The following TRPA1 variants were observed in gnomAD, a reference collection of about 807,000 sequenced individuals.
TRPA1 encodes transient receptor potential cation channel subfamily A member 1.
Under a neutral mutation model 131.3 loss-of-function variants are expected in TRPA1, and 129 were observed. That is an observed-to-expected ratio of 0.98 (90% confidence interval 0.85 to 1.14). The LOEUF (loss-of-function observed/expected upper bound fraction) is 1.14, where lower values mean the gene tolerates loss of function less well. Among genes scored for constraint, TRPA1 ranks in the 50% most tolerant of loss-of-function variants. The pLI is 0.00. For synonymous variants in TRPA1, 441 were observed against 451.7 expected (o/e 0.98, Z 0.30); for missense variants, 1,304 against 1,354.2 (o/e 0.96, Z 0.58).
intron 3 of TRPA1, among the ~76,000 whole-genome samples, chr8:72,068,458 G>A (rs1241115249): frequency 6.6e-6 from 1 of 150,698 alleles, no homozygotes; most frequent in Non-Finnish European, 1.5e-5. Context: ...GTTTCCCAGT[G>A]GTATCCTTAT....
chr8:72,075,329 G>T lies in TRPA1; in HGVS notation c.81C>A (p.Asp27Glu). The T allele has an allele frequency of 7.4e-6, 12 of 1,613,368 alleles. No homozygotes were observed. The highest frequency in any genetic ancestry group is 1.0e-5 in the Non-Finnish European group (12 of 1,179,796). ...GCGATTCCTTGAAATCCTCCGTGTC[G>T]TCCGGCACATCCTCATAGACAACGC... Reference protein sequence around the residue: ...PQGVVYEDVPDDTEDFKESLK... With the variant: ...PQGVVYEDVPEDTEDFKESLK... The change falls in exon 1 of 27, where the codon GAC becomes GAA. Residue 27 changes from aspartate to glutamate, a missense_variant. Physicochemically the swap from Asp to Glu is conservative, Grantham distance 45. Transcript: ENST00000262209.
rs374272757 is a variant in TRPA1 at position 72,075,284 on chromosome 8, G to T, written c.111+15C>A. On this transcript the variant is annotated intron_variant, in intron 1 of 26. Coordinates refer to ENST00000262209, the MANE Select transcript of TRPA1 (RefSeq NM_007332.3). ...CACGTCGGAACCCCTCCAGACCCGC[G>T]AGCCCCCAGAGTACCTTAAGCGATT... 265 of 1,604,492 alleles carry T rather than the reference G, an allele frequency of 1.7e-4. No individual in the cohort carries two copies. Among genetic ancestry groups the T allele is most frequent in the Non-Finnish European group, 2.2e-4 (256 of 1,172,336 alleles).
At chr8:72,067,658 G>A (rs149033453) in intron 3 of TRPA1, among the ~76,000 whole-genome samples, 1 of 152,318 alleles carries the variant, frequency 6.6e-6, no homozygotes, top group East Asian at 1.9e-4. Flanking sequence ...AGAGCCTTCA[G>A]AGGGAGCACA....
intron 12 of TRPA1, 82 bp downstream of exon 12, chr8:72,055,354 A>G (rs1002420092): frequency 1.7e-6 from 2 of 1,211,056 alleles, no homozygotes; most frequent in African/African-American, 3.1e-5. Flanking sequence ...GTTAGACCTC[A>G]TAATTAAAAA....
intron 15 of TRPA1, among the ~76,000 whole-genome samples, chr8:72,049,528 T>G (rs566879002): frequency 6.6e-6 from 1 of 152,174 alleles, no homozygotes; most frequent in Non-Finnish European, 1.5e-5. Context: ...ATTCTGCCTT[T>G]CTTGGTTATT....
chr8:72,049,969 C>T (rs1805456190), intron 15 of TRPA1, among the ~76,000 whole-genome samples: 2 of 151,560 alleles, frequency 1.3e-5, no homozygotes, highest in Admixed American at 1.3e-4. Flanking sequence ...TTTTACCATA[C>T]CTTAAGTTCT....
In TRPA1 at chr8:72,025,854, C is replaced by T; in HGVS notation, c.3051+106G>A. On this transcript the variant is annotated intron_variant, in intron 25 of 26. Transcript: ENST00000262209. ...AAAGCACAACTCCTCTGCCCACAGG[C>T]AGAGAAGACTCAAAGTCTATAAAAG... The T allele has an allele frequency of 3.3e-6, 3 of 922,616 alleles. 1 individual carries two copies. The highest frequency in any genetic ancestry group is 6.2e-4 in the Middle Eastern group (2 of 3,218). The allele number at this position is 922,616 out of a possible 1,614,324, so 57.2% of individuals were successfully genotyped here.
chr8:72,041,711 C>A (rs1812257365), intron 17 of TRPA1, among the ~76,000 whole-genome samples: 1 of 151,384 alleles, frequency 6.6e-6, no homozygotes, highest in Non-Finnish European at 1.5e-5. Context: ...ACAACTAAAG[C>A]AATACTAAGA....
upstream of TRPA1, among the ~76,000 whole-genome samples, chr8:72,080,229 G>A (rs892428807): frequency 4.6e-5 from 7 of 151,752 alleles, no homozygotes; most frequent in African/African-American, 1.7e-4. Context: ...CCCAATCTTA[G>A]GGGGAAAGCA....
chr8:72,036,369 T>C lies in TRPA1; in HGVS notation c.2474A>G (p.Glu825Gly). The C allele has an allele frequency of 6.2e-7, 1 of 1,614,188 alleles. No homozygotes were observed. The highest frequency in any genetic ancestry group is 8.5e-7 in the Non-Finnish European group (1 of 1,180,018). ...GIIFVLPLFV[E>G]IPAHLQWQCG... ...TTGCCACTGCAGATGAGCTGGTATT[T>C]CAACAAACAAGGGCAGCACAAAAAT... The change falls in exon 21 of 27, where the codon GAA becomes GGA. Residue 825 changes from glutamate (E) to glycine (G), a missense_variant. Coordinates refer to ENST00000262209, the MANE Select transcript of TRPA1 (RefSeq NM_007332.3).
chr8:72,042,575 A>G (rs1417333531), intron 17 of TRPA1, among the ~76,000 whole-genome samples: 8 of 151,928 alleles, frequency 5.3e-5, no homozygotes, highest in Non-Finnish European at 8.8e-5. Flanking sequence ...GTGTATATGA[A>G]GAGTTTAAAG....
rs1002362468 is a variant in TRPA1 at position 72,065,445 on chromosome 8, A to G, written c.552+6T>C. The stretch of plus-strand genomic sequence containing the variant: ...GAAAGCAGACAGATATGACAAATAT[A>G]CAAACCAAAATCTGCAATGCTTCGC... On this transcript the variant is annotated splice_donor_region_variant and intron_variant, in intron 4 of 26. Transcript: ENST00000262209. 12 of 1,609,894 alleles carry G rather than the reference A, an allele frequency of 7.5e-6. No homozygotes were observed. The highest frequency in any genetic ancestry group is 3.3e-5 in the Admixed American group (2 of 59,918).
chr8:72,046,521 C>T lies in TRPA1; in HGVS notation c.2053G>A (p.Ala685Thr), dbSNP rs752662414. Residue 685 changes from alanine (A) to threonine (T), a missense_variant, in exon 17 of 27, where the codon GCC (alanine) becomes ACC (threonine). By Grantham distance (58) the Ala-to-Thr change is moderately conservative. Transcript: ENST00000262209. ...GAAAACATTGAACTTACGTTGAGGG[C>T]TGTAAGCGGTTCATATATAACATCC... is the stretch of plus-strand genomic sequence containing the variant. ...TQDVIYEPLT[A>T]LNAMVQNNRI... The T allele has an allele frequency of 6.4e-7, 1 of 1,571,154 alleles. No homozygotes were observed. Among genetic ancestry groups the T allele is most frequent in the Non-Finnish European group, 8.7e-7 (1 of 1,147,022 alleles).
At chr8:72,084,593 A>T in the TRPA1 span, among the ~76,000 whole-genome samples, 2 of 148,778 alleles carry the variant, frequency 1.3e-5, no homozygotes, top group Non-Finnish European at 3.0e-5. Context: ...AAATTATCTT[A>T]CTTTATTTAT....
intron 8 of TRPA1, among the ~76,000 whole-genome samples, chr8:72,058,925 T>TC (rs769108301): frequency 2.0e-5 from 3 of 152,180 alleles, no homozygotes; most frequent in Non-Finnish European, 4.4e-5. Context: ...CTTCATGCTT[T>TC]CACTTGTAAT....
At chr8:72,084,746 G>A in the TRPA1 span, among the ~76,000 whole-genome samples, 1 of 146,140 alleles carries the variant, frequency 6.8e-6, no homozygotes, top group African/African-American at 2.5e-5. Context: ...CTGCCTCCCT[G>A]GTTCAAGCAA....
chr8:72,042,279 A>G (rs1431994833), intron 17 of TRPA1, among the ~76,000 whole-genome samples: 1 of 151,998 alleles, frequency 6.6e-6, no homozygotes, highest in Non-Finnish European at 1.5e-5. Flanking sequence ...AATAGTCAAT[A>G]AGCACTATTG....
intron 8 of TRPA1, among the ~76,000 whole-genome samples, chr8:72,058,341 T>C (rs3779753): frequency 0.23 from 34,573 of 152,100 alleles, 4,252 homozygotes; most frequent in East Asian, 0.35. Context: ...AGAAAATTTA[T>C]ATTTAAAAAT....
chr8:72,049,486 A>G (rs533388040), intron 15 of TRPA1, among the ~76,000 whole-genome samples: 1 of 152,208 alleles, frequency 6.6e-6, no homozygotes, highest in South Asian at 2.1e-4. Context: ...CAGCATTTGT[A>G]TATATTTTTC....
Sources: gnomAD v4.1 joint callset for allele counts (sites outside exome capture counted in the v4.1 genomes callset) on GRCh38, gnomAD v4.1.1 for gene constraint, MANE v1.5 for transcripts, NCBI Gene and HGNC (gene_info 2026-07-23, HGNC 2026-07-21) for gene names.